ITGBL1: variants seen among roughly 807,000 people sequenced by gnomAD.
ITGBL1 encodes the protein integrin beta-like protein 1.
Under a neutral mutation model 68.5 loss-of-function variants are expected in ITGBL1, and 51 were observed. The ratio of observed to expected loss-of-function variants is 0.74; its 90% confidence interval spans 0.59 to 0.94. The LOEUF is 0.94. Ranked by LOEUF, ITGBL1 falls within the 40% of genes least tolerant of loss-of-function variation. The pLI is 0.00. For synonymous variants in ITGBL1, 209 were observed against 227.3 expected (o/e 0.92, Z 0.72); for missense variants, 649 against 647.4 (o/e 1.00, Z -0.03).
intron 7 of ITGBL1, among the ~76,000 whole-genome samples, chr13:101,653,231 A>G (rs1032571071): frequency 7.0e-6 from 1 of 142,260 alleles, no homozygotes; most frequent in Non-Finnish European, 1.6e-5. Flanking sequence ...AGGAAGGAGA[A>G]ATTTGTGCCA....
chr13:101,680,214 C>A (rs1282082060), intron 7 of ITGBL1, among the ~76,000 whole-genome samples: 1 of 152,116 alleles, frequency 6.6e-6, no homozygotes, highest in Non-Finnish European at 1.5e-5. Flanking sequence ...GTGTTTAATT[C>A]CTTCTCATAG....
intron 2 of ITGBL1, among the ~76,000 whole-genome samples, chr13:101,455,381 T>C (rs1279702521): frequency 1.3e-5 from 2 of 152,166 alleles, no homozygotes; most frequent in Non-Finnish European, 2.9e-5. Flanking sequence ...TTAAAAATAC[T>C]GAATGCTGGG....
intron 7 of ITGBL1, among the ~76,000 whole-genome samples, chr13:101,628,556 C>T (rs978150854): frequency 6.6e-6 from 1 of 151,706 alleles, no homozygotes; most frequent in Admixed American, 6.6e-5. Flanking sequence ...CCTCAGCCTC[C>T]CGAGTAGCTG....
chr13:101,687,190 T>C (rs2139541679), intron 7 of ITGBL1, among the ~76,000 whole-genome samples: 1 of 152,180 alleles, frequency 6.6e-6, no homozygotes. Context: ...TAGAGACATA[T>C]ATATCTTTTA....
rs74780620 is a variant in ITGBL1, at chr13:101,693,276, G to A, written c.1132+575G>A. Among the ~76,000 whole-genome samples, 6 of 152,288 alleles carry A rather than the reference G, an allele frequency of 3.9e-5. No homozygotes were observed. The East Asian group carries it at 7.7e-4, about 20-fold the overall frequency. On this transcript the variant is annotated intron_variant, in intron 8 of 10. Coordinates refer to ENST00000376180, the MANE Select transcript of ITGBL1 (RefSeq NM_004791.3). Reference sequence around the variant, plus strand: ...AGCACCTCCATGGCTGGGAATGTGGGTCAACATTATTCTTGCATTGCATTC... The same window carrying A: ...AGCACCTCCATGGCTGGGAATGTGGATCAACATTATTCTTGCATTGCATTC...
At chr13:101,481,287 T>C (rs2048620997) in intron 2 of ITGBL1, among the ~76,000 whole-genome samples, 1 of 151,506 alleles carries the variant, frequency 6.6e-6, no homozygotes, top group Admixed American at 6.6e-5. Flanking sequence ...TTGGGATAAA[T>C]AGGAAAAAGA....
At chr13:101,691,329 A>G (rs2033878986) in intron 7 of ITGBL1, among the ~76,000 whole-genome samples, 1 of 152,192 alleles carries the variant, frequency 6.6e-6, no homozygotes, top group African/African-American at 2.4e-5. Context: ...TCGTGACCCC[A>G]TCATGTCAGC....
chr13:101,571,898 A>T (rs1594897211), intron 3 of ITGBL1, among the ~76,000 whole-genome samples: 1 of 152,092 alleles, frequency 6.6e-6, no homozygotes, highest in Admixed American at 6.6e-5. Context: ...TATTCAATCA[A>T]GCTCTTATGC....
At chr13:101,589,918 T>C (rs2050622671) in intron 6 of ITGBL1, among the ~76,000 whole-genome samples, 1 of 152,132 alleles carries the variant, frequency 6.6e-6, no homozygotes, top group Admixed American at 6.6e-5. Flanking sequence ...TTCCCCCTCA[T>C]GTTTGTAGAA....
chr13:101,676,647 T>C (rs1292073341), intron 7 of ITGBL1, among the ~76,000 whole-genome samples: 1 of 152,178 alleles, frequency 6.6e-6, no homozygotes, highest in Non-Finnish European at 1.5e-5. Context: ...TCTAGTATCT[T>C]GGCCACTTAA....
chr13:101,491,118 T>C (rs1430788775), intron 2 of ITGBL1, among the ~76,000 whole-genome samples: 1 of 152,240 alleles, frequency 6.6e-6, no homozygotes, highest in Admixed American at 6.5e-5. Flanking sequence ...CCTGTAACTA[T>C]GTAAATTACT....
intron 7 of ITGBL1, among the ~76,000 whole-genome samples, chr13:101,662,527 T>A (rs756428013): frequency 6.6e-6 from 1 of 152,144 alleles, no homozygotes; most frequent in Non-Finnish European, 1.5e-5. Context: ...CCATTACCAA[T>A]ATAGACATAA....
intron 7 of ITGBL1, among the ~76,000 whole-genome samples, chr13:101,630,112 G>A (rs535686439): frequency 5.3e-5 from 8 of 152,168 alleles, no homozygotes; most frequent in East Asian, 1.9e-4. Flanking sequence ...TTGAGCCACC[G>A]CGCCTGGCCT....
intron 3 of ITGBL1, among the ~76,000 whole-genome samples, chr13:101,572,102 T>C (rs2050283039): frequency 1.3e-5 from 2 of 152,190 alleles, no homozygotes; most frequent in South Asian, 4.1e-4. Flanking sequence ...TGTAGAAATA[T>C]CTAAGCCTTT....
chr13:101,637,832 A>G (rs1389442712), intron 7 of ITGBL1, among the ~76,000 whole-genome samples: 1 of 152,122 alleles, frequency 6.6e-6, no homozygotes, highest in Admixed American at 6.5e-5. Flanking sequence ...CTAACATTCA[A>G]TCTTAGAGGT....
intron 7 of ITGBL1, among the ~76,000 whole-genome samples, chr13:101,663,331 C>T (rs533482905): frequency 6.6e-6 from 1 of 152,226 alleles, no homozygotes; most frequent in South Asian, 2.1e-4. Flanking sequence ...CTTTATGAAT[C>T]TCTAATTCTA....
At chr13:101,478,135 T>A (rs2048563722) in intron 2 of ITGBL1, among the ~76,000 whole-genome samples, 1 of 152,074 alleles carries the variant, frequency 6.6e-6, no homozygotes, top group Non-Finnish European at 1.5e-5. Flanking sequence ...AGATCATTCA[T>A]CATGACTAAG....
At chr13:101,532,932 T>C (rs200008396) in intron 2 of ITGBL1, among the ~76,000 whole-genome samples, 2 of 152,134 alleles carry the variant, frequency 1.3e-5, no homozygotes, top group East Asian at 3.9e-4. Context: ...GGAAACACAA[T>C]TAACAATACA....
chr13:101,678,871 T>A (rs1441889134), intron 7 of ITGBL1, among the ~76,000 whole-genome samples: 1 of 152,076 alleles, frequency 6.6e-6, no homozygotes, highest in Non-Finnish European at 1.5e-5. Context: ...ACCCTACTCC[T>A]TTCTCCTCCC....
Sources: allele counts gnomAD v4.1 joint callset (sites outside exome capture counted in the v4.1 genomes callset), GRCh38; gene constraint gnomAD v4.1.1; transcripts MANE v1.5; gene names NCBI Gene and HGNC (gene_info 2026-07-23, HGNC 2026-07-21).